C2orf80: variants seen among roughly 807,000 people sequenced by gnomAD.
The protein encoded by C2orf80 is chromosome 2 open reading frame 80.
Under a neutral mutation model 30.2 loss-of-function variants are expected in C2orf80, and 28 were observed. The ratio of observed to expected loss-of-function variants is 0.93; its 90% confidence interval spans 0.69 to 1.27. The LOEUF (loss-of-function observed/expected upper bound fraction) is 1.27, where lower values mean the gene tolerates loss of function less well. C2orf80 is among the 50% of genes most tolerant of loss of function. The pLI, the probability that C2orf80 is intolerant of heterozygous loss-of-function variation, is 0.00. For missense variants in C2orf80, 220 were observed against 231.0 expected (o/e 0.95, Z 0.31); for synonymous variants, 80 against 76.4 (o/e 1.05, Z -0.24).
chr2:208,177,485 G>T (rs1696397876), intron 6 of C2orf80, among the ~76,000 whole-genome samples: 1 of 152,078 alleles, frequency 6.6e-6, no homozygotes, highest in Admixed American at 6.5e-5. Flanking sequence ...AGGTTGCAGT[G>T]AGCCGAGATT....
At chr2:208,172,226 T>G (rs931613375) in intron 6 of C2orf80, 151 bp from the exon 7 acceptor site, 28 of 716,964 alleles carry the variant, frequency 3.9e-5, no homozygotes, top group Non-Finnish European at 6.3e-5. Context: ...CACAGTCCAT[T>G]GATGGGGCAC....
At position 208,175,737 on chromosome 2, in the gene C2orf80, GTTT is replaced by G. The variant is rs61472314; in HGVS notation, c.367-3665_367-3663del. 7.9e-3 allele frequency among the ~76,000 whole-genome samples: 1,180 copies of G among 149,224 alleles called. 17 individuals are homozygous for G. Among genetic ancestry groups the G allele is most frequent in the African/African-American group, 0.026 (1,070 of 40,926 alleles). ...TTAAAGAAGAATCTCTTGCAATATC[GTTT>G]TTTTTTTTAAAAAACTCTAGTTAAA... On this transcript the variant is annotated intron_variant, in intron 6 of 8. Coordinates refer to ENST00000341287, the MANE Select transcript of C2orf80 (RefSeq NM_001099334.3).
At chr2:208,180,687 A>T (rs1042997333) in intron 6 of C2orf80, 58 bp downstream of exon 6, 1 of 1,291,192 alleles carries the variant, frequency 7.7e-7, no homozygotes, top group African/African-American at 1.5e-5. Flanking sequence ...ATACATTTAT[A>T]CACTAAATAA....
intron 7 of C2orf80, 92 bp downstream of exon 7, chr2:208,171,896 C>T (rs1696110661): frequency 9.7e-7 from 1 of 1,029,756 alleles, no homozygotes; most frequent in Non-Finnish European, 1.5e-6. Context: ...ATCTAATTCC[C>T]ATTACAATTT....
intron 4 of C2orf80, among the ~76,000 whole-genome samples, chr2:208,182,644 G>A (rs34575089): frequency 0.18 from 27,202 of 152,164 alleles, 2,587 homozygotes; most frequent in African/African-American, 0.23. Context: ...CAAGTAATGA[G>A]TCTGCCTCAG....
intron 2 of C2orf80, among the ~76,000 whole-genome samples, chr2:208,185,737 C>T (rs1160072688): frequency 6.6e-6 from 1 of 152,134 alleles, no homozygotes; most frequent in Non-Finnish European, 1.5e-5. Flanking sequence ...AAGTTTATTT[C>T]TGGCTTCTGA....
At chr2:208,171,738 C>T (rs145714446) in intron 7 of C2orf80, among the ~76,000 whole-genome samples, 1 of 58,130 alleles carries the variant, frequency 1.7e-5, no homozygotes, top group Admixed American at 1.9e-4. Context: ...TGTGAGCCAG[C>T]CCACTCACAG....
chr2:208,165,717 T>C lies in C2orf80; in HGVS notation c.*90A>G, dbSNP rs2105885458. 6.3e-7 allele frequency: 1 copy of C among 1,576,678 alleles called. No homozygotes were observed. The highest frequency in any genetic ancestry group is 8.6e-7 in the Non-Finnish European group (1 of 1,162,308). On this transcript the variant is annotated 3_prime_UTR_variant, in exon 9 of 9. Coordinates refer to ENST00000341287, the MANE Select transcript of C2orf80 (RefSeq NM_001099334.3). ...TACCAAAAACAGTTGTAAAGAAAAATGTACTGGCAAGAGCTGTGGTTTTAA... is the reference window on the plus strand; with the variant it reads ...TACCAAAAACAGTTGTAAAGAAAAACGTACTGGCAAGAGCTGTGGTTTTAA...
intron 6 of C2orf80, among the ~76,000 whole-genome samples, chr2:208,180,274 AC>A (rs558264607): frequency 1.3e-5 from 2 of 152,126 alleles, no homozygotes; most frequent in South Asian, 2.1e-4. Flanking sequence ...ACATGGCAAA[AC>A]CCCATCTCTA....
chr2:208,180,546 A>G (rs1696523370), intron 6 of C2orf80, among the ~76,000 whole-genome samples, 199 bp downstream of exon 6: 1 of 152,084 alleles, frequency 6.6e-6, no homozygotes, highest in South Asian at 2.1e-4. Flanking sequence ...TACATTTGTT[A>G]TTACTGCATG....
intron 3 of C2orf80, among the ~76,000 whole-genome samples, chr2:208,184,450 A>C (rs1696656054): frequency 6.6e-6 from 1 of 152,118 alleles, no homozygotes; most frequent in African/African-American, 2.4e-5. Context: ...CAGTGAAAAA[A>C]CTGAGGGTTT....
intron 7 of C2orf80, among the ~76,000 whole-genome samples, chr2:208,171,513 G>T (rs968457553): frequency 2.0e-5 from 3 of 152,070 alleles, no homozygotes; most frequent in African/African-American, 7.2e-5. Flanking sequence ...TAGAGATAGG[G>T]TTTCACCGTG....
At chr2:208,173,102 A>C (rs1696155217) in intron 6 of C2orf80, among the ~76,000 whole-genome samples, 1 of 135,584 alleles carries the variant, frequency 7.4e-6, no homozygotes, top group Admixed American at 7.4e-5. Flanking sequence ...CTGGGCAACA[A>C]GAGTTAAAAC....
At chr2:208,188,201 G>T (rs1696775109) in intron 1 of C2orf80, among the ~76,000 whole-genome samples, 1 of 150,842 alleles carries the variant, frequency 6.6e-6, no homozygotes, top group Non-Finnish European at 1.5e-5. Flanking sequence ...GTTAATAGTT[G>T]TTGACTCTGG....
chr2:208,182,665 T>A (rs1267476254), intron 4 of C2orf80, among the ~76,000 whole-genome samples: 1 of 152,116 alleles, frequency 6.6e-6, no homozygotes, highest in African/African-American at 2.4e-5. Context: ...CCTCCCAGAG[T>A]GCTGGGATTA....
chr2:208,177,080 TA>T (rs1302647662), intron 6 of C2orf80, among the ~76,000 whole-genome samples: 1 of 144,060 alleles, frequency 6.9e-6, no homozygotes, highest in African/African-American at 2.5e-5. Flanking sequence ...CGTATATAGA[TA>T]ATGTATACAT....
intron 6 of C2orf80, among the ~76,000 whole-genome samples, chr2:208,177,936 C>A (rs1696418135): frequency 6.6e-6 from 1 of 151,856 alleles, no homozygotes; most frequent in African/African-American, 2.4e-5. Context: ...CCTGCCTCAG[C>A]CTCCCAAGTA....
At chr2:208,181,332 G>T in intron 4 of C2orf80, 27 bp from the exon 5 acceptor site, 1 of 1,451,300 alleles carries the variant, frequency 6.9e-7, no homozygotes, top group Non-Finnish European at 9.7e-7. Context: ...AATACAAGTG[G>T]AAGATTTATT....
chr2:208,169,825 T>C (rs1203445191), intron 8 of C2orf80, among the ~76,000 whole-genome samples: 1 of 152,076 alleles, frequency 6.6e-6, no homozygotes, highest in African/African-American at 2.4e-5. Context: ...TTTCCCCAAA[T>C]AGTGCAGTTG....
Sources: allele counts gnomAD v4.1 joint callset (sites outside exome capture counted in the v4.1 genomes callset), GRCh38; gene constraint gnomAD v4.1.1; transcripts MANE v1.5; gene names NCBI Gene and HGNC (gene_info 2026-07-23, HGNC 2026-07-21).